The following ADGRL2 variants were observed in gnomAD, a reference collection of about 807,000 sequenced individuals.
ADGRL2 encodes adhesion G protein-coupled receptor L2.
Under a neutral mutation model 157.4 loss-of-function variants are expected in ADGRL2, and 44 were observed. The ratio of observed to expected loss-of-function variants is 0.28; its 90% confidence interval spans 0.22 to 0.36. The LOEUF is 0.36. Ranked by LOEUF, ADGRL2 falls within the 10% of genes least tolerant of loss-of-function variation. ADGRL2 has a pLI of 1.00. For synonymous variants in ADGRL2, 585 were observed against 624.7 expected, an observed-to-expected ratio of 0.94 and a Z score of 0.95; for missense variants, 1,510 against 1,768.9, an observed-to-expected ratio of 0.85 and a Z score of 2.63.
At chr1:81,644,374 C>G (rs1007283385) in intron 3 of ADGRL2, among the ~76,000 whole-genome samples, 3 of 152,030 alleles carry the variant, frequency 2.0e-5, no homozygotes, top group Non-Finnish European at 4.4e-5. Flanking sequence ...ATAAAGTGGA[C>G]TTCATTAAGA....
Position 81,418,361 on chromosome 1 carries a change from C to T in ADGRL2, c.-301-26675C>T, listed in dbSNP as rs546810650. Among the ~76,000 whole-genome samples the T allele has an allele frequency of 2.6e-5, 4 of 152,292 alleles. No homozygotes were observed. The East Asian group carries it at 5.8e-4, about 22-fold the overall frequency. ...CCACTTTTCTGTGGTGGCATTTCTG[C>T]CATGTTTCCAATTAGAACTCCTATA... On this transcript the variant is annotated intron_variant, in intron 1 of 24. Coordinates refer to the ADGRL2 transcript ENST00000370721.
intron 11 of ADGRL2, among the ~76,000 whole-genome samples, chr1:81,960,190 G>T (rs545652388): frequency 6.6e-6 from 1 of 152,134 alleles, no homozygotes; most frequent in Non-Finnish European, 1.5e-5. Context: ...AGTCAGGTGG[G>T]TAATTTGTCT....
At chr1:81,539,173 G>A (rs72933288) in intron 2 of ADGRL2, among the ~76,000 whole-genome samples, 5,107 of 152,176 alleles carry the variant, frequency 0.034, 283 homozygotes, top group African/African-American at 0.12. Context: ...CAGTTTGAAA[G>A]TCATGATAGA....
intron 2 of ADGRL2, among the ~76,000 whole-genome samples, chr1:81,837,498 C>A (rs2092342307): frequency 6.6e-6 from 1 of 151,544 alleles, no homozygotes; most frequent in Non-Finnish European, 1.5e-5. Flanking sequence ...AATAATAGTT[C>A]ATCTTTTTAT....
intron 2 of ADGRL2, among the ~76,000 whole-genome samples, chr1:81,772,706 G>T (rs2086425028): frequency 6.6e-6 from 1 of 152,108 alleles, no homozygotes; most frequent in Admixed American, 6.6e-5. Flanking sequence ...TCTAGCCCAG[G>T]AGACAGAGCG....
chr1:81,804,221 G>T (rs1470771133), intron 1 of ADGRL2, among the ~76,000 whole-genome samples: 1 of 152,088 alleles, frequency 6.6e-6, no homozygotes, highest in Non-Finnish European at 1.5e-5. Flanking sequence ...ACGTTTTGTT[G>T]TCTCTCCCTC....
intron 1 of ADGRL2, among the ~76,000 whole-genome samples, chr1:81,835,958 T>G (rs2092257080): frequency 6.6e-6 from 1 of 152,128 alleles, no homozygotes; most frequent in South Asian, 2.1e-4. Context: ...GATAGTAGAA[T>G]GTAGTGTACT....
At chr1:81,406,824 C>A (rs1219790597) in intron 1 of ADGRL2, among the ~76,000 whole-genome samples, 2 of 152,166 alleles carry the variant, frequency 1.3e-5, no homozygotes, top group African/African-American at 4.8e-5. Flanking sequence ...GAGGTTAAAA[C>A]CAATTTGAGC....
In ADGRL2 at chr1:81,505,926, G is replaced by C. The variant is rs181983505; in HGVS notation, c.-248+60837G>C. On this transcript the variant is annotated intron_variant, in intron 2 of 24. Coordinates refer to the ADGRL2 transcript ENST00000370721. ...GTAAAAAGCACCACGCTGTGCAAAA[G>C]ATGGGCCCAAATACTCTGCAAAGAT... 1,238 of 300,924 alleles carry C rather than the reference G, an allele frequency of 4.1e-3. 8 individuals are homozygous for C. The highest frequency in any genetic ancestry group is 7.0e-3 in the Non-Finnish European group (1,070 of 152,986). 18.6% of individuals were successfully genotyped at this position (300,924 alleles called of 1,614,324 possible). A position where few individuals can be genotyped will look rare whatever the true frequency, so the allele number is the denominator to read the frequency against.
At chr1:81,770,153 CTTTTTTT>C (rs150798264) in intron 2 of ADGRL2, among the ~76,000 whole-genome samples, 6 of 59,582 alleles carry the variant, frequency 1.0e-4, no homozygotes, top group Admixed American at 2.3e-4. Context: ...CTGCACCCAG[CTTTTTTT>C]TTTTTTTTTT....
intron 1 of ADGRL2, among the ~76,000 whole-genome samples, chr1:81,409,289 C>T (rs201636622): frequency 2.4e-5 from 2 of 82,266 alleles, no homozygotes; most frequent in Non-Finnish European, 4.8e-5. Context: ...GGAAGGAACA[C>T]AAAAAACACA....
intron 1 of ADGRL2, among the ~76,000 whole-genome samples, chr1:81,326,674 T>C (rs981327187): frequency 6.6e-6 from 1 of 152,172 alleles, no homozygotes; most frequent in African/African-American, 2.4e-5. Context: ...AATGAAGATG[T>C]GAACAACAAG....
chr1:81,339,074 C>A (rs958455593), intron 1 of ADGRL2, among the ~76,000 whole-genome samples: 1 of 152,124 alleles, frequency 6.6e-6, no homozygotes, highest in East Asian at 1.9e-4. Flanking sequence ...TTTAGAGGTA[C>A]CACCTCTAGA....
chr1:81,464,089 T>C (rs2077999159), intron 2 of ADGRL2, among the ~76,000 whole-genome samples: 1 of 152,106 alleles, frequency 6.6e-6, no homozygotes, highest in African/African-American at 2.4e-5. Context: ...CAGCAGGAAA[T>C]CTTGAAATGA....
At chr1:81,748,467 CAAAA>C (rs973818702) in intron 1 of ADGRL2, among the ~76,000 whole-genome samples, 3 of 42,416 alleles carry the variant, frequency 7.1e-5, no homozygotes, top group East Asian at 8.7e-4. Context: ...GATTCCGTCT[CAAAA>C]AAAAAAAAAA....
At chr1:81,446,771 T>G (rs1475866774) in intron 2 of ADGRL2, among the ~76,000 whole-genome samples, 1 of 152,208 alleles carries the variant, frequency 6.6e-6, no homozygotes, top group African/African-American at 2.4e-5. Flanking sequence ...CATAGTAATA[T>G]ATCACTCTTC....
rs559625202 is a variant in ADGRL2, at chr1:81,706,630, C to T, written c.-143+6822C>T. ...AAAGAGAGAACAGGTGAGAAAAGGGCTAAGGAACAAACTTTTAGATCACAT... is the reference window on the plus strand; with the variant it reads ...AAAGAGAGAACAGGTGAGAAAAGGGTTAAGGAACAAACTTTTAGATCACAT... On this transcript the variant is annotated intron_variant, in intron 1 of 20. Transcript: ENST00000359929. Among the ~76,000 whole-genome samples the T allele has an allele frequency of 4.2e-4, 64 of 152,094 alleles. No individual in the cohort carries two copies. In the Middle Eastern group the frequency reaches 0.01, roughly 24 times the overall value.
intron 3 of ADGRL2, among the ~76,000 whole-genome samples, chr1:81,678,587 G>A (rs2083043765): frequency 6.6e-6 from 1 of 152,168 alleles, no homozygotes; most frequent in South Asian, 2.1e-4. Context: ...ATTTCAGATT[G>A]TCCATTCTTC....
intron 11 of ADGRL2, 21 bp downstream of exon 11, chr1:81,956,081 G>C (rs1022677954): frequency 1.7e-5 from 27 of 1,544,850 alleles, no homozygotes; most frequent in Non-Finnish European, 2.3e-5. Flanking sequence ...CTACTGTCAA[G>C]TTTAATTTTG....
Sources: gnomAD v4.1 joint callset for allele counts (sites outside exome capture counted in the v4.1 genomes callset) on GRCh38, gnomAD v4.1.1 for gene constraint, MANE v1.5 for transcripts, NCBI Gene and HGNC (gene_info 2026-07-23, HGNC 2026-07-21) for gene names.